The following CUL3 variants were observed in gnomAD, a reference collection of about 807,000 sequenced individuals.
CUL3 encodes cullin-3.
In CUL3, 19 loss-of-function variants were observed where a neutral mutation model predicts 89.1. That is an observed-to-expected ratio of 0.21 (90% CI 0.15 to 0.31). The LOEUF is 0.31. Among genes scored for constraint, CUL3 ranks in the 10% least tolerant of loss-of-function variants. The pLI, the probability that CUL3 is intolerant of heterozygous loss-of-function variation, is 1.00. For missense variants in CUL3, 469 were observed against 942.3 expected (o/e 0.50, Z 6.58); for synonymous variants, 351 against 308.4 (o/e 1.14, Z -1.45).
In CUL3 at chr2:224,557,866, C is replaced by T. The variant is rs367982485; in HGVS notation, c.67-10G>A. The T allele has an allele frequency of 1.7e-4, 80 of 479,366 alleles. No individual in the cohort carries two copies. The highest frequency in any genetic ancestry group is 1.1e-3 in the Admixed American group (34 of 30,806). The allele number at this position is 479,366 out of a possible 1,614,324, so 29.7% of individuals were successfully genotyped here. A position where few individuals can be genotyped will look rare whatever the true frequency, so the allele number is the denominator to read the frequency against. On this transcript the variant is annotated splice_polypyrimidine_tract_variant and intron_variant, in intron 1 of 15. Coordinates refer to ENST00000264414, the MANE Select transcript of CUL3 (RefSeq NM_003590.5). Reference sequence around the variant, plus strand: ...TTTCATCCATGGTCATCTGTAATATCCAAGAGAGAGAAGAGACAAAAAAAA... The same window carrying T: ...TTTCATCCATGGTCATCTGTAATATTCAAGAGAGAGAAGAGACAAAAAAAA...
At chr2:224,535,728 T>G (rs1693874959) in intron 2 of CUL3, 87 bp from the exon 3 acceptor site, 1 of 780,476 alleles carries the variant, frequency 1.3e-6, no homozygotes, top group African/African-American at 1.7e-5. Flanking sequence ...AATAAAATAA[T>G]GAAGTGGAAT....
At chr2:224,572,195 C>T (rs1261205922) in intron 1 of CUL3, among the ~76,000 whole-genome samples, 1 of 152,164 alleles carries the variant, frequency 6.6e-6, no homozygotes, top group African/African-American at 2.4e-5. Context: ...AAATTCAAGT[C>T]AGGAGTGTAT....
intron 1 of CUL3, among the ~76,000 whole-genome samples, chr2:224,584,677 ACGCC>A (rs1695532218): frequency 1.3e-5 from 2 of 150,084 alleles, no homozygotes; most frequent in South Asian, 4.2e-4. Flanking sequence ...GCCGCAGCCG[ACGCC>A]CGCGGAGCGG....
At chr2:224,547,978 A>G (rs1199351690) in intron 2 of CUL3, among the ~76,000 whole-genome samples, 3 of 152,234 alleles carry the variant, frequency 2.0e-5, no homozygotes, top group African/African-American at 7.2e-5. Context: ...AGGGAGAAAA[A>G]TATATTGAAA....
rs752080376 is a variant in CUL3, at chr2:224,535,651, G to C, written c.265-10C>G. ...GTACATCTTCTCGCACCTAGTAACA[G>C]AAGAGTTCATTAGTTTGCACACACA... On this transcript the variant is annotated splice_polypyrimidine_tract_variant and intron_variant, in intron 2 of 15. Coordinates refer to ENST00000264414, the MANE Select transcript of CUL3 (RefSeq NM_003590.5). 1 of 1,573,812 alleles carries C rather than the reference G, an allele frequency of 6.4e-7. No homozygotes were observed. Among genetic ancestry groups the C allele is most frequent in the East Asian group, 2.2e-5 (1 of 44,628 alleles).
intron 2 of CUL3, among the ~76,000 whole-genome samples, chr2:224,544,806 AC>A (rs1420947418): frequency 6.6e-6 from 1 of 151,248 alleles, no homozygotes; most frequent in African/African-American, 2.4e-5. Context: ...AGGACAGCTG[AC>A]AGAACTGTTT....
intron 3 of CUL3, among the ~76,000 whole-genome samples, chr2:224,527,097 T>C (rs1693509428): frequency 6.6e-6 from 1 of 151,954 alleles, no homozygotes; most frequent in South Asian, 2.1e-4. Flanking sequence ...AGAGCACAAA[T>C]GGGGAAAGCC....
intron 2 of CUL3, among the ~76,000 whole-genome samples, chr2:224,544,461 G>C (rs1694229428): frequency 6.6e-6 from 1 of 151,910 alleles, no homozygotes; most frequent in Non-Finnish European, 1.5e-5. Context: ...TGGATAAGTT[G>C]CTTTTAGTTT....
intron 15 of CUL3, among the ~76,000 whole-genome samples, chr2:224,477,223 C>T (rs1021507608): frequency 6.6e-6 from 1 of 152,104 alleles, no homozygotes; most frequent in Admixed American, 6.5e-5. Context: ...ACTCTTGGGC[C>T]CTATCCTCAG....
At chr2:224,495,127 T>TA (rs1418473870) in intron 13 of CUL3, 96 of 124,518 alleles carry the variant, frequency 7.7e-4, no homozygotes, top group Non-Finnish European at 5.1e-4. Flanking sequence ...AACATCATCA[T>TA]CAAAAAAAAA....
At chr2:224,486,361 G>A (rs1367108815) in intron 13 of CUL3, among the ~76,000 whole-genome samples, 1 of 152,080 alleles carries the variant, frequency 6.6e-6, no homozygotes, top group East Asian at 1.9e-4. Context: ...AAGAAGCTAA[G>A]AACCTGGATA....
At chr2:224,513,267 T>C (rs968966409) in intron 5 of CUL3, among the ~76,000 whole-genome samples, 2 of 152,192 alleles carry the variant, frequency 1.3e-5, no homozygotes, top group African/African-American at 4.8e-5. Flanking sequence ...AGCATCCCTA[T>C]GCCCCACACT....
At chr2:224,496,028 T>C in intron 12 of CUL3, 62 bp from the exon 13 acceptor site, 6 of 1,525,054 alleles carry the variant, frequency 3.9e-6, no homozygotes, top group South Asian at 1.2e-5. Flanking sequence ...CATTAATGTA[T>C]GTATGTACGT....
At chr2:224,517,733 G>A (rs1008932855) in intron 3 of CUL3, among the ~76,000 whole-genome samples, 1 of 152,080 alleles carries the variant, frequency 6.6e-6, no homozygotes, top group African/African-American at 2.4e-5. Flanking sequence ...TCCTAGCTCA[G>A]TTTCATTAAG....
intron 15 of CUL3, among the ~76,000 whole-genome samples, chr2:224,476,704 C>G (rs1352401604): frequency 2.6e-5 from 4 of 152,210 alleles, no homozygotes; most frequent in Non-Finnish European, 5.9e-5. Flanking sequence ...CATCATCATA[C>G]TCTCTATACA....
chr2:224,532,334 G>A (rs1693726498), intron 3 of CUL3, among the ~76,000 whole-genome samples: 2 of 152,110 alleles, frequency 1.3e-5, no homozygotes, highest in African/African-American at 4.8e-5. Context: ...AGTCATTGAA[G>A]GAGGAGGAGA....
At chr2:224,487,065 G>A (rs76818791) in intron 13 of CUL3, among the ~76,000 whole-genome samples, 2 of 152,128 alleles carry the variant, frequency 1.3e-5, no homozygotes, top group African/African-American at 4.8e-5. Flanking sequence ...ACAAGCAAAT[G>A]CTGAGGGATT....
chr2:224,549,555 G>A (rs558436851), intron 2 of CUL3, among the ~76,000 whole-genome samples: 1 of 152,272 alleles, frequency 6.6e-6, no homozygotes, highest in East Asian at 1.9e-4. Flanking sequence ...TTATTAGTGA[G>A]AGAATTAAGT....
At chr2:224,518,762 T>C (rs966260950) in intron 3 of CUL3, among the ~76,000 whole-genome samples, 1 of 152,138 alleles carries the variant, frequency 6.6e-6, no homozygotes, top group African/African-American at 2.4e-5. Context: ...CAAAAAATAA[T>C]ATACATGCAG....
Sources: allele counts gnomAD v4.1 joint callset (sites outside exome capture counted in the v4.1 genomes callset), GRCh38; gene constraint gnomAD v4.1.1; transcripts MANE v1.5; gene names NCBI Gene and HGNC (gene_info 2026-07-23, HGNC 2026-07-21).